The following ZFAND6 variants were observed in gnomAD, a reference collection of about 807,000 sequenced individuals.
ZFAND6 encodes the protein AN1-type zinc finger protein 6.
Under a neutral mutation model 24.5 loss-of-function variants are expected in ZFAND6, and 12 were observed. The ratio of observed to expected loss-of-function variants is 0.49; its 90% CI spans 0.31 to 0.79. The LOEUF is 0.79. Ranked by LOEUF, ZFAND6 falls within the 30% of genes least tolerant of loss-of-function variation. The pLI is 0.04. For synonymous variants in ZFAND6, 92 were observed against 81.5 expected (o/e 1.13, Z -0.69); for missense variants, 207 against 245.9 (o/e 0.84, Z 1.06).
intron 2 of ZFAND6, among the ~76,000 whole-genome samples, chr15:80,118,068 G>A (rs1013740716): frequency 2.6e-5 from 4 of 151,166 alleles, no homozygotes; most frequent in African/African-American, 9.7e-5. Context: ...GTATACATAT[G>A]TATACATACT....
At chr15:80,064,523 T>G (rs2036505690) in intron 1 of ZFAND6, among the ~76,000 whole-genome samples, 1 of 152,204 alleles carries the variant, frequency 6.6e-6, no homozygotes, top group Non-Finnish European at 1.5e-5. Context: ...TTTAAACTTT[T>G]TATATTTTTA....
chr15:80,108,595 C>G (rs1205914436), intron 2 of ZFAND6, among the ~76,000 whole-genome samples: 1 of 152,154 alleles, frequency 6.6e-6, no homozygotes, highest in Non-Finnish European at 1.5e-5. Context: ...ATGAAATTCA[C>G]TGCAACTTAA....
intron 1 of ZFAND6, among the ~76,000 whole-genome samples, chr15:80,062,728 T>C (rs2036399978): frequency 6.6e-6 from 1 of 152,218 alleles, no homozygotes; most frequent in South Asian, 2.1e-4. Flanking sequence ...ACAATGTGTA[T>C]ATGGGGTTTT....
At position 80,123,814 on chromosome 15, in the gene ZFAND6, G is replaced by A. The variant is rs368141268; in HGVS notation, c.364+1014G>A. ...GCTTGAGCCCAGGAATTCAGGCTGC[G>A]GTGAGCTATGATCGTGCCACTGCAC... On this transcript the variant is annotated intron_variant, in intron 5 of 6. Coordinates refer to ENST00000261749, the MANE Select transcript of ZFAND6 (RefSeq NM_019006.4). Among the ~76,000 whole-genome samples the A allele has an allele frequency of 1.4e-4, 21 of 152,294 alleles. No individual in the cohort carries two copies. In the East Asian group the frequency reaches 3.5e-3, roughly 25 times the overall value.
intron 1 of ZFAND6, among the ~76,000 whole-genome samples, chr15:80,071,327 C>T (rs980618926): frequency 2.6e-5 from 4 of 152,052 alleles, no homozygotes; most frequent in African/African-American, 9.7e-5. Flanking sequence ...ACATTGAAAG[C>T]ATATTTTAAG....
At chr15:80,111,239 T>G (rs1032827175) in intron 2 of ZFAND6, among the ~76,000 whole-genome samples, 2 of 152,210 alleles carry the variant, frequency 1.3e-5, no homozygotes, top group African/African-American at 2.4e-5. Context: ...GAGACATATA[T>G]TGCCTTTCTA....
intron 6 of ZFAND6, among the ~76,000 whole-genome samples, chr15:80,133,125 C>G (rs2040687519): frequency 6.6e-6 from 1 of 150,816 alleles, no homozygotes; most frequent in Non-Finnish European, 1.5e-5. Context: ...CATTATATCA[C>G]AGCTTTTAGA....
intron 1 of ZFAND6, among the ~76,000 whole-genome samples, chr15:80,063,658 C>G (rs1320078955): frequency 1.3e-5 from 2 of 151,774 alleles, no homozygotes; most frequent in Non-Finnish European, 2.9e-5. Flanking sequence ...AAGCGATTCT[C>G]CTGCCTCAGC....
chr15:80,081,207 A>T (rs963587604), intron 1 of ZFAND6, among the ~76,000 whole-genome samples: 1 of 152,242 alleles, frequency 6.6e-6, no homozygotes, highest in African/African-American at 2.4e-5. Context: ...TGCCTAAAAT[A>T]ATTGTTTCAG....
chr15:80,118,598 G>A (rs1370215980), intron 2 of ZFAND6, among the ~76,000 whole-genome samples: 1 of 152,032 alleles, frequency 6.6e-6, no homozygotes. Context: ...ATATTTTACA[G>A]GGCTGTAGAA....
intron 1 of ZFAND6, among the ~76,000 whole-genome samples, chr15:80,097,536 C>A (rs1341686392): frequency 6.6e-6 from 1 of 151,982 alleles, no homozygotes; most frequent in Non-Finnish European, 1.5e-5. Context: ...GTAGTCCCAG[C>A]TACTCAGGTG....
At chr15:80,126,704 A>G (rs1435452977) in intron 5 of ZFAND6, among the ~76,000 whole-genome samples, 1 of 152,244 alleles carries the variant, frequency 6.6e-6, no homozygotes, top group Non-Finnish European at 1.5e-5. Context: ...GCAGGTATAC[A>G]TTTTTGTGAT....
rs61570676 is a variant in ZFAND6, at chr15:80,086,668, A to T, written c.-180-11748A>T. Among the ~76,000 whole-genome samples, 3,098 of 152,318 alleles carry T rather than the reference A, an allele frequency of 0.02. 226 individuals are homozygous for T. The East Asian group carries it at 0.22, about 11-fold the overall frequency. On this transcript the variant is annotated intron_variant, in intron 1 of 6. Transcript: ENST00000261749. ...GCTTAATCTTTTATTGTGATAAAAT[A>T]TACATAAAATTTACCATTTAAACTG...
intron 1 of ZFAND6, among the ~76,000 whole-genome samples, chr15:80,091,204 G>A (rs1466787820): frequency 6.6e-6 from 1 of 151,174 alleles, no homozygotes; most frequent in African/African-American, 2.4e-5. Context: ...ACGTGCACAT[G>A]TGTAGTTTCT....
chr15:80,076,941 C>T lies in ZFAND6; in HGVS notation c.-181+17132C>T, dbSNP rs189934744. 4.2e-4 allele frequency among the ~76,000 whole-genome samples: 63 copies of T among 151,552 alleles called. No homozygotes were observed. In the East Asian group the frequency reaches 0.012, roughly 29 times the overall value. ...AAGTATTTCTGACAGTTTTTTGGAA[C>T]ACTTTGATAAAGGATATTAAACATT... On this transcript the variant is annotated intron_variant, in intron 1 of 6. Coordinates refer to ENST00000261749, the MANE Select transcript of ZFAND6 (RefSeq NM_019006.4).
intron 6 of ZFAND6, among the ~76,000 whole-genome samples, chr15:80,133,278 C>T (rs565833774): frequency 6.6e-6 from 1 of 151,280 alleles, no homozygotes; most frequent in East Asian, 1.9e-4. Flanking sequence ...CTGTAACCTC[C>T]GCCTCCTGGG....
At chr15:80,112,459 G>A (rs181269046) in intron 2 of ZFAND6, among the ~76,000 whole-genome samples, 122 of 151,982 alleles carry the variant, frequency 8.0e-4, no homozygotes, top group Admixed American at 2.3e-3. Context: ...TTGCAGTGGC[G>A]TGATCTTGGC....
At chr15:80,133,481 C>T (rs1021436405) in intron 6 of ZFAND6, among the ~76,000 whole-genome samples, 3 of 152,056 alleles carry the variant, frequency 2.0e-5, no homozygotes, top group Non-Finnish European at 4.4e-5. Context: ...AGAGTGGAAC[C>T]GCCACACCTG....
At chr15:80,089,888 T>C (rs910304089) in intron 1 of ZFAND6, among the ~76,000 whole-genome samples, 1 of 152,234 alleles carries the variant, frequency 6.6e-6, no homozygotes, top group Non-Finnish European at 1.5e-5. Flanking sequence ...CTTGTGACTC[T>C]TGAGTGCACT....
Sources: gnomAD v4.1 joint callset for allele counts (sites outside exome capture counted in the v4.1 genomes callset) on GRCh38, gnomAD v4.1.1 for gene constraint, MANE v1.5 for transcripts, NCBI Gene and HGNC (gene_info 2026-07-23, HGNC 2026-07-21) for gene names.